Variants in KCNJ3 observed in about 807,000 individuals in gnomAD.
The protein encoded by KCNJ3 is G protein-activated inward rectifier potassium channel 1.
In KCNJ3, 4 loss-of-function variants were observed where a neutral mutation model predicts 39.2. That is an observed-to-expected ratio of 0.10 (90% confidence interval 0.05 to 0.23). The LOEUF is 0.23. Ranked by LOEUF, KCNJ3 falls within the 10% of genes least tolerant of loss-of-function variation. The probability of loss-of-function intolerance (pLI) is 1.00; values close to 1 mark genes in which losing one functional copy is unlikely to be tolerated. For synonymous variants in KCNJ3, 230 were observed against 237.4 expected (o/e 0.97, Z 0.29); for missense variants, 276 against 634.9 (o/e 0.43, Z 6.08).
intron 2 of KCNJ3, among the ~76,000 whole-genome samples, chr2:154,755,014 T>G (rs1432651845): frequency 1.3e-5 from 2 of 152,286 alleles, no homozygotes; most frequent in Admixed American, 1.3e-4. Flanking sequence ...GTCATCAAAT[T>G]TATTATTGTA....
intron 2 of KCNJ3, among the ~76,000 whole-genome samples, chr2:154,751,944 C>G (rs1157012823): frequency 1.3e-5 from 2 of 152,174 alleles, no homozygotes; most frequent in East Asian, 3.9e-4. Flanking sequence ...AGTACCACCT[C>G]TTTAAAGACT....
At position 154,858,304 on chromosome 2, in the gene KCNJ3, A is replaced by G. The variant is rs1687878006; in HGVS notation, c.*2991A>G. The stretch of plus-strand genomic sequence containing the variant: ...ATGGTGAAGTTTTTGTTGAAACTAA[A>G]TTATGAAGTCTGATATATTTGGATA... On this transcript the variant is annotated 3_prime_UTR_variant, in exon 3 of 3. Coordinates refer to ENST00000295101, the MANE Select transcript of KCNJ3 (RefSeq NM_002239.4). 1 of 152,184 alleles carries G rather than the reference A, an allele frequency of 6.6e-6. No individual in the cohort carries two copies. The highest frequency in any genetic ancestry group is 1.5e-5 in the Non-Finnish European group (1 of 68,040). 9.4% of individuals were successfully genotyped at this position (152,184 alleles called of 1,614,324 possible). A position where few individuals can be genotyped will look rare whatever the true frequency, so the allele number is the denominator to read the frequency against.
At chr2:154,722,551 A>G (rs758355307) in intron 2 of KCNJ3, among the ~76,000 whole-genome samples, 4 of 152,182 alleles carry the variant, frequency 2.6e-5, no homozygotes, top group Admixed American at 2.6e-4. Context: ...GTGTGAGCTA[A>G]GTGTATTTCA....
In KCNJ3 at chr2:154,717,368, T is replaced by C. The variant is rs116253706; in HGVS notation, c.919+7549T>C. 7.0e-3 allele frequency among the ~76,000 whole-genome samples: 1,072 copies of C among 152,240 alleles called. 13 individuals carry two copies. The highest frequency in any genetic ancestry group is 0.024 in the African/African-American group (1,014 of 41,532). On this transcript the variant is annotated intron_variant, in intron 2 of 2. Coordinates refer to ENST00000295101, the MANE Select transcript of KCNJ3 (RefSeq NM_002239.4). Reference sequence around the variant, plus strand: ...AAGTAAGAGAACACCATGATCATATTGGTGTGATAGAAAGATGCCTCTGGC... The same window carrying C: ...AAGTAAGAGAACACCATGATCATATCGGTGTGATAGAAAGATGCCTCTGGC...
intron 2 of KCNJ3, among the ~76,000 whole-genome samples, chr2:154,792,208 C>A (rs1299317641): frequency 6.6e-6 from 1 of 152,020 alleles, no homozygotes; most frequent in African/African-American, 2.4e-5. Context: ...TGAGGCCATG[C>A]ATCCCAGGAA....
chr2:154,827,475 A>T (rs144596581), intron 2 of KCNJ3, among the ~76,000 whole-genome samples: 4 of 152,224 alleles, frequency 2.6e-5, no homozygotes, highest in African/African-American at 9.6e-5. Context: ...AGTTTAACAG[A>T]TGTTCTGCTT....
chr2:154,781,578 C>T (rs1686438862), intron 2 of KCNJ3, among the ~76,000 whole-genome samples: 1 of 152,130 alleles, frequency 6.6e-6, no homozygotes, highest in Non-Finnish European at 1.5e-5. Flanking sequence ...GAAATTTGTA[C>T]CACTTAAAGT....
At chr2:154,773,090 A>AT (rs1408525403) in intron 2 of KCNJ3, among the ~76,000 whole-genome samples, 2 of 152,158 alleles carry the variant, frequency 1.3e-5, no homozygotes, top group African/African-American at 4.8e-5. Context: ...TAAGCAAGGG[A>AT]TAAAAAAGAA....
chr2:154,758,734 G>T (rs957464056), intron 2 of KCNJ3, among the ~76,000 whole-genome samples: 1 of 152,096 alleles, frequency 6.6e-6, no homozygotes, highest in Non-Finnish European at 1.5e-5. Flanking sequence ...ATCAGGTGAC[G>T]TGTGTTAAGG....
intron 2 of KCNJ3, among the ~76,000 whole-genome samples, chr2:154,733,685 G>A (rs967274975): frequency 1.3e-5 from 2 of 152,156 alleles, no homozygotes; most frequent in Non-Finnish European, 2.9e-5. Flanking sequence ...AGATACATTC[G>A]TGTAGGACTG....
At chr2:154,714,884 T>C (rs1685157620) in intron 2 of KCNJ3, among the ~76,000 whole-genome samples, 1 of 152,130 alleles carries the variant, frequency 6.6e-6, no homozygotes, top group African/African-American at 2.4e-5. Context: ...CATAATGAAG[T>C]GCATCATATA....
chr2:154,782,138 A>G (rs1686450425), intron 2 of KCNJ3, among the ~76,000 whole-genome samples: 1 of 152,140 alleles, frequency 6.6e-6, no homozygotes. Flanking sequence ...GGAAGTCTTA[A>G]TGAGTGAGAT....
chr2:154,750,574 C>T (rs1050973566), intron 2 of KCNJ3, among the ~76,000 whole-genome samples: 11 of 151,880 alleles, frequency 7.2e-5, no homozygotes, highest in Admixed American at 6.6e-4. Context: ...ATCAGGCTAG[C>T]ATAAACAAAT....
chr2:154,741,416 A>G (rs1056871793), intron 2 of KCNJ3, among the ~76,000 whole-genome samples: 1 of 144,664 alleles, frequency 6.9e-6, no homozygotes, highest in African/African-American at 2.7e-5. Flanking sequence ...ATGTCATTTT[A>G]TAGTGTTGCA....
At chr2:154,806,069 A>G (rs985434076) in intron 2 of KCNJ3, among the ~76,000 whole-genome samples, 1 of 152,150 alleles carries the variant, frequency 6.6e-6, no homozygotes, top group Admixed American at 6.6e-5. Context: ...AACGAGTGAG[A>G]TGCTTAAATA....
At chr2:154,744,740 G>A (rs1485446559) in intron 2 of KCNJ3, among the ~76,000 whole-genome samples, 1 of 151,592 alleles carries the variant, frequency 6.6e-6, no homozygotes, top group Non-Finnish European at 1.5e-5. Flanking sequence ...TCAATTTTAT[G>A]GATCATTTCC....
chr2:154,751,442 G>T (rs1194837129), intron 2 of KCNJ3, among the ~76,000 whole-genome samples: 1 of 151,808 alleles, frequency 6.6e-6, no homozygotes, highest in East Asian at 1.9e-4. Flanking sequence ...TTCAAATTCA[G>T]CTTTATTATT....
At chr2:154,801,588 T>C (rs1686819293) in intron 2 of KCNJ3, among the ~76,000 whole-genome samples, 1 of 151,552 alleles carries the variant, frequency 6.6e-6, no homozygotes, top group Admixed American at 6.6e-5. Flanking sequence ...TCTCTCTTTC[T>C]TTCCCTTTCT....
intron 2 of KCNJ3, among the ~76,000 whole-genome samples, chr2:154,817,122 T>C (rs1687094648): frequency 6.6e-6 from 1 of 152,120 alleles, no homozygotes; most frequent in African/African-American, 2.4e-5. Flanking sequence ...ATACAATCCT[T>C]TTCTTCCCCC....
Sources: allele counts gnomAD v4.1 joint callset (sites outside exome capture counted in the v4.1 genomes callset), GRCh38; gene constraint gnomAD v4.1.1; transcripts MANE v1.5; gene names NCBI Gene and HGNC (gene_info 2026-07-23, HGNC 2026-07-21).